Variants in TIAM1 observed in about 807,000 individuals in gnomAD.
TIAM1 encodes rho guanine nucleotide exchange factor TIAM1.
In TIAM1, 65 loss-of-function variants were observed where a neutral mutation model predicts 163.5. The observed-to-expected ratio is 0.40, with a 90% CI of 0.33 to 0.49. TIAM1 has a LOEUF of 0.49. Ranked by LOEUF, TIAM1 falls within the 20% of genes least tolerant of loss-of-function variation. The probability of loss-of-function intolerance (pLI) is 0.77; values close to 1 mark genes in which losing one functional copy is unlikely to be tolerated. For missense variants in TIAM1, 1,789 were observed against 2,044.7 expected (o/e 0.87, Z 2.41); for synonymous variants, 833 against 810.1 (o/e 1.03, Z -0.48).
intron 2 of TIAM1, among the ~76,000 whole-genome samples, chr21:31,334,753 T>C (rs1214796789): frequency 6.6e-6 from 1 of 152,198 alleles, no homozygotes; most frequent in Non-Finnish European, 1.5e-5. Context: ...GCTGTGTGCT[T>C]TGAGCAGACT....
rs552287794 is a variant in TIAM1 at position 31,182,367 on chromosome 21, G to A, written c.2887+54C>T. ...ACACAAGCCGCATGATAAACTCCCC[G>A]GGTCGTGGCACAACGGAGTTCAGAC... is the stretch of plus-strand genomic sequence containing the variant. On this transcript the variant is annotated intron_variant, in intron 15 of 27. Transcript: ENST00000541036. 78 of 1,412,102 alleles carry A rather than the reference G, an allele frequency of 5.5e-5. No individual in the cohort carries two copies. In the South Asian group the frequency reaches 1.1e-3, roughly 20 times the overall value. The allele number at this position is 1,412,102 out of a possible 1,614,324, so 87.5% of individuals were successfully genotyped here. A position where few individuals can be genotyped will look rare whatever the true frequency, so the allele number is the denominator to read the frequency against.
intron 2 of TIAM1, among the ~76,000 whole-genome samples, chr21:31,377,569 C>G (rs1428190370): frequency 1.3e-5 from 2 of 152,174 alleles, no homozygotes; most frequent in African/African-American, 4.8e-5. Context: ...CTGACAGACA[C>G]TGATGCCAAG....
intron 1 of TIAM1, among the ~76,000 whole-genome samples, chr21:31,533,758 C>A (rs1352273648): frequency 6.6e-6 from 1 of 152,144 alleles, no homozygotes; most frequent in Non-Finnish European, 1.5e-5. Flanking sequence ...AAAATTATTA[C>A]TGAGATAGCA....
intron 2 of TIAM1, among the ~76,000 whole-genome samples, chr21:31,356,732 CT>C (rs1428820594): frequency 6.6e-6 from 1 of 152,188 alleles, no homozygotes; most frequent in Non-Finnish European, 1.5e-5. Flanking sequence ...ATTATCCAGT[CT>C]GTGGTATTCT....
At chr21:31,210,542 G>GAAAGAAAGA (rs2086674619) in intron 10 of TIAM1, among the ~76,000 whole-genome samples, 2 of 72,558 alleles carry the variant, frequency 2.8e-5, no homozygotes, top group South Asian at 7.7e-4. Context: ...GGAAAAGAAA[G>GAAAGAAAGA]AAAGAAAGAA....
chr21:31,237,592 T>C (rs2252415), intron 6 of TIAM1, among the ~76,000 whole-genome samples: 36,053 of 152,144 alleles, frequency 0.24, 6,804 homozygotes, highest in African/African-American at 0.5. Flanking sequence ...ATATGAGTCT[T>C]TTAATATGCA....
chr21:31,475,062 T>TTATTATTATTATTATTA lies in TIAM1; in HGVS notation c.-421-11028_-421-11027insTAATAATAATAATAATA, dbSNP rs374227573. Among the ~76,000 whole-genome samples, 186 of 75,922 alleles carry TTATTATTATTATTATTA rather than the reference T, an allele frequency of 2.4e-3. 2 individuals carry two copies. The highest frequency in any genetic ancestry group is 6.1e-3 in the East Asian group (26 of 4,258). 49.8% of individuals were successfully genotyped at this position (75,922 alleles called of 152,430 possible). A position where few individuals can be genotyped will look rare whatever the true frequency, so the allele number is the denominator to read the frequency against. On this transcript the variant is annotated intron_variant, in intron 1 of 28. Transcript: ENST00000286827. ...ATTATTATTATTATTATTATTATTA[T>TTATTATTATTATTATTA]TTAGTTTTAGACAAGGTCTTACTCT...
At chr21:31,451,246 T>A (rs1004569215) in intron 2 of TIAM1, among the ~76,000 whole-genome samples, 2 of 152,078 alleles carry the variant, frequency 1.3e-5, no homozygotes, top group Non-Finnish European at 2.9e-5. Context: ...GCACCATCCA[T>A]CACACTGTGG....
At chr21:31,183,735 C>A (rs539988921) in intron 14 of TIAM1, among the ~76,000 whole-genome samples, 15 of 150,568 alleles carry the variant, frequency 1.0e-4, no homozygotes, top group African/African-American at 3.4e-4. Flanking sequence ...CACTCTGTTG[C>A]CCAGGCTGAA....
chr21:31,223,651 T>A, intron 7 of TIAM1, 60 bp from the exon 8 acceptor site: 1 of 1,526,852 alleles, frequency 6.5e-7, no homozygotes, highest in Non-Finnish European at 8.9e-7. Context: ...AATGCTAATA[T>A]CTTTATCCTA....
At chr21:31,544,263 G>A (rs769886910) in intron 1 of TIAM1, among the ~76,000 whole-genome samples, 1 of 151,796 alleles carries the variant, frequency 6.6e-6, no homozygotes, top group African/African-American at 2.4e-5. Flanking sequence ...GCTCACGCCT[G>A]TAATCCCAGC....
intron 2 of TIAM1, among the ~76,000 whole-genome samples, chr21:31,393,859 AT>A (rs1268155273): frequency 6.6e-6 from 1 of 152,186 alleles, no homozygotes; most frequent in East Asian, 1.9e-4. Flanking sequence ...GAGAGTTCCA[AT>A]TTCATGTATC....
rs71318270 is a variant in TIAM1, at chr21:31,394,728, TCACACACACA to T, written c.-368-55316_-368-55307del. On this transcript the variant is annotated intron_variant, in intron 2 of 28. Transcript: ENST00000286827. ...CTCTCGCTCTCTCTCTCTCTCTCTC[TCACACACACA>T]CACACACACACACACACACACACAC... is the stretch of plus-strand genomic sequence containing the variant. 1.5e-3 allele frequency among the ~76,000 whole-genome samples: 140 copies of T among 95,712 alleles called. 1 individual carries two copies. The Middle Eastern group carries it at 0.027, about 18-fold the overall frequency. 62.8% of individuals were successfully genotyped at this position (95,712 alleles called of 152,430 possible).
chr21:31,281,247 C>T (rs921454256), intron 2 of TIAM1, among the ~76,000 whole-genome samples: 2 of 152,056 alleles, frequency 1.3e-5, no homozygotes, highest in Non-Finnish European at 2.9e-5. Flanking sequence ...GGTGCTATTA[C>T]TTCATAAATA....
At chr21:31,439,436 T>C (rs2044340629) in intron 2 of TIAM1, among the ~76,000 whole-genome samples, 1 of 152,270 alleles carries the variant, frequency 6.6e-6, no homozygotes, top group South Asian at 2.1e-4. Flanking sequence ...ATTACAGGCA[T>C]GCACCACCAT....
intron 6 of TIAM1, among the ~76,000 whole-genome samples, chr21:31,239,477 T>C (rs2071056603): frequency 6.6e-6 from 1 of 152,078 alleles, no homozygotes; most frequent in Admixed American, 6.6e-5. Flanking sequence ...CATGACATTA[T>C]AGCATGTAGA....
intron 2 of TIAM1, among the ~76,000 whole-genome samples, chr21:31,357,536 C>T (rs2076336344): frequency 6.6e-6 from 1 of 152,170 alleles, no homozygotes; most frequent in African/African-American, 2.4e-5. Flanking sequence ...CAATCTCCAC[C>T]CCTTGCTCAC....
intron 2 of TIAM1, among the ~76,000 whole-genome samples, chr21:31,331,875 A>C (rs1323955457): frequency 6.6e-6 from 1 of 152,128 alleles, no homozygotes; most frequent in African/African-American, 2.4e-5. Flanking sequence ...TACCAACTTC[A>C]TGTGCTCTTG....
At chr21:31,306,428 C>T (rs538231375) in intron 2 of TIAM1, among the ~76,000 whole-genome samples, 166 of 152,242 alleles carry the variant, frequency 1.1e-3, no homozygotes, top group Non-Finnish European at 2.0e-3. Context: ...TATCCCCCCA[C>T]AAAACATTTA....
Sources: gnomAD v4.1 joint callset for allele counts (sites outside exome capture counted in the v4.1 genomes callset) on GRCh38, gnomAD v4.1.1 for gene constraint, MANE v1.5 for transcripts, NCBI Gene and HGNC (gene_info 2026-07-23, HGNC 2026-07-21) for gene names.